CEP83: variants seen among roughly 807,000 people sequenced by gnomAD.
CEP83 encodes centrosomal protein 83.
Under a neutral mutation model 101.9 loss-of-function variants are expected in CEP83, and 70 were observed. That is an observed-to-expected ratio of 0.69 (90% CI 0.57 to 0.84). The LOEUF (loss-of-function observed/expected upper bound fraction) is 0.84. Ranked by LOEUF, CEP83 falls within the 40% of genes least tolerant of loss-of-function variation. CEP83 has a pLI of 0.00. For synonymous variants in CEP83, 264 were observed against 267.9 expected (o/e 0.99, Z 0.14); for missense variants, 715 against 787.2 (o/e 0.91, Z 1.10).
the CEP83 span, chr12:94,279,583 A>G: frequency 6.2e-7 from 1 of 1,614,186 alleles, no homozygotes; most frequent in Non-Finnish European, 8.5e-7. Context: ...CAAAGAAAAG[A>G]TTTTCCAAGC....
At chr12:94,284,053 A>G in the CEP83 span, among the ~76,000 whole-genome samples, 1 of 148,724 alleles carries the variant, frequency 6.7e-6, no homozygotes, top group South Asian at 2.1e-4. Context: ...ATGGCACTCC[A>G]GCCTGTGCGA....
chr12:94,445,843 G>A (rs974415237), intron 1 of CEP83, among the ~76,000 whole-genome samples: 11 of 152,314 alleles, frequency 7.2e-5, no homozygotes, highest in Admixed American at 3.9e-4. Flanking sequence ...AGTGCACCAC[G>A]CAATGGAATG....
At chr12:94,289,776 A>C in the CEP83 span, among the ~76,000 whole-genome samples, 2 of 152,242 alleles carry the variant, frequency 1.3e-5, no homozygotes. Flanking sequence ...TAATCGTGTT[A>C]AAGTGTCACA....
the CEP83 span, among the ~76,000 whole-genome samples, chr12:94,295,135 A>G: frequency 3.0e-4 from 45 of 152,294 alleles, no homozygotes; most frequent in Non-Finnish European, 5.4e-4. Flanking sequence ...CCCAGTCAAG[A>G]CAATCAGCTC....
intron 14 of CEP83, among the ~76,000 whole-genome samples, chr12:94,327,105 G>A (rs2059002481): frequency 6.6e-6 from 1 of 152,186 alleles, no homozygotes; most frequent in African/African-American, 2.4e-5. Context: ...GGTAAAATTA[G>A]TGGAAAGGAA....
At chr12:94,327,315 AT>A (rs1487651719) in intron 14 of CEP83, among the ~76,000 whole-genome samples, 1 of 152,196 alleles carries the variant, frequency 6.6e-6, no homozygotes, top group Non-Finnish European at 1.5e-5. Flanking sequence ...GTTAATGACC[AT>A]TTATCTTTGA....
chr12:94,435,368 GACTT>G (rs1457126319), intron 1 of CEP83, 41 bp from the exon 2 acceptor site: 2 of 152,154 alleles, frequency 1.3e-5, no homozygotes, highest in Non-Finnish European at 2.9e-5. Flanking sequence ...GAACAAACAG[GACTT>G]ACTAAGTTTC....
the CEP83 span, among the ~76,000 whole-genome samples, chr12:94,292,604 A>AT: frequency 6.6e-6 from 1 of 152,228 alleles, no homozygotes; most frequent in African/African-American, 2.4e-5. Flanking sequence ...ATTCTAGAAT[A>AT]TTTGCATACA....
At chr12:94,343,159 G>C (rs951313107) in intron 11 of CEP83, among the ~76,000 whole-genome samples, 1 of 151,306 alleles carries the variant, frequency 6.6e-6, no homozygotes, top group African/African-American at 2.4e-5. Flanking sequence ...ACTCTTATAA[G>C]ACTCCATGTG....
chr12:94,326,074 A>G (rs1358005193), intron 14 of CEP83, among the ~76,000 whole-genome samples: 2 of 152,114 alleles, frequency 1.3e-5, no homozygotes, highest in East Asian at 1.9e-4. Context: ...TAGATGGTGA[A>G]TGCTTTCAGG....
the CEP83 span, chr12:94,279,462 A>G: frequency 2.5e-6 from 4 of 1,604,476 alleles, no homozygotes; most frequent in South Asian, 1.1e-5. Flanking sequence ...ACCTGTTTGT[A>G]CTCTTGCAGG....
chr12:94,403,763 C>T lies in CEP83; in HGVS notation c.325-501G>A, dbSNP rs544426215. Among the ~76,000 whole-genome samples the T allele has an allele frequency of 1.3e-4, 19 of 151,898 alleles. No homozygotes were observed. The East Asian group carries it at 3.7e-3, about 29-fold the overall frequency. ...AAGTAATTAAATATTTATGTAAGTC[C>T]CATGTGGGAAAACACAGTCTTTATT... On this transcript the variant is annotated intron_variant, in intron 4 of 16. Coordinates refer to ENST00000397809, the MANE Select transcript of CEP83 (RefSeq NM_016122.3).
chr12:94,279,520 G>A, the CEP83 span: 19 of 1,614,086 alleles, frequency 1.2e-5, no homozygotes, highest in Admixed American at 1.7e-5. Flanking sequence ...GAGTGCAGAT[G>A]TCTGTCGGAA....
At chr12:94,409,021 G>A (rs1296082624) in intron 4 of CEP83, among the ~76,000 whole-genome samples, 1 of 151,716 alleles carries the variant, frequency 6.6e-6, no homozygotes, top group Non-Finnish European at 1.5e-5. Flanking sequence ...AAGCCAAAGA[G>A]ATGACATTAA....
chr12:94,315,851 A>ATC (rs1970601400), intron 14 of CEP83, among the ~76,000 whole-genome samples: 1 of 152,134 alleles, frequency 6.6e-6, no homozygotes, highest in Non-Finnish European at 1.5e-5. Context: ...TCTGGACTCT[A>ATC]TACTGTTCCA....
chr12:94,273,338 A>G, the CEP83 span, among the ~76,000 whole-genome samples: 1 of 152,110 alleles, frequency 6.6e-6, no homozygotes, highest in African/African-American at 2.4e-5. Context: ...CTTCCACCCA[A>G]AGAAGGTGGG....
chr12:94,454,194 C>A (rs1187285857), intron 1 of CEP83, among the ~76,000 whole-genome samples: 3 of 152,054 alleles, frequency 2.0e-5, no homozygotes, highest in African/African-American at 7.2e-5. Flanking sequence ...TATAAAGAAC[C>A]ATTTCAACTT....
chr12:94,367,994 T>C (rs747268876), intron 10 of CEP83, 51 bp from the exon 11 acceptor site: 5 of 1,605,536 alleles, frequency 3.1e-6, no homozygotes, highest in Non-Finnish European at 3.4e-6. Flanking sequence ...AAAGATGATA[T>C]GACAGCAAAA....
chr12:94,332,408 TAAC>T (rs1288637247), intron 13 of CEP83, among the ~76,000 whole-genome samples: 2 of 152,180 alleles, frequency 1.3e-5, no homozygotes, highest in Non-Finnish European at 2.9e-5. Flanking sequence ...CTAATGAAAA[TAAC>T]AAACCCTGAG....
Sources: gnomAD v4.1 joint callset for allele counts (sites outside exome capture counted in the v4.1 genomes callset) on GRCh38, gnomAD v4.1.1 for gene constraint, MANE v1.5 for transcripts, NCBI Gene and HGNC (gene_info 2026-07-23, HGNC 2026-07-21) for gene names.